The following KLF12 variants were observed in gnomAD, a reference collection of about 807,000 sequenced individuals.
The protein encoded by KLF12 is KLF transcription factor 12.
In KLF12, 9 loss-of-function variants were observed where a neutral mutation model predicts 37.8. That is an observed-to-expected ratio of 0.24 (90% confidence interval 0.14 to 0.42). KLF12 has a LOEUF of 0.42. Ranked by LOEUF, KLF12 falls within the 10% of genes least tolerant of loss-of-function variation. KLF12 has a pLI of 1.00. For synonymous variants in KLF12, 208 were observed against 202.1 expected (o/e 1.03, Z -0.25); for missense variants, 411 against 516.0 (o/e 0.80, Z 1.97).
chr13:74,220,898 A>C, the KLF12 span, among the ~76,000 whole-genome samples: 13 of 152,184 alleles, frequency 8.5e-5, no homozygotes, highest in Non-Finnish European at 1.6e-4. Flanking sequence ...TAATGTCTTC[A>C]TCAGATGATT....
chr13:74,284,152 C>T, the KLF12 span, among the ~76,000 whole-genome samples: 1 of 152,084 alleles, frequency 6.6e-6, no homozygotes, highest in Admixed American at 6.6e-5. Context: ...CCACCATGCC[C>T]GGCCTAGTGT....
the KLF12 span, among the ~76,000 whole-genome samples, chr13:74,173,155 G>A: frequency 6.6e-6 from 1 of 152,138 alleles, no homozygotes; most frequent in Admixed American, 6.5e-5. Context: ...CTCCAATTCT[G>A]AGAAGGAGAC....
chr13:73,755,650 G>A (rs1448363457), intron 6 of KLF12, among the ~76,000 whole-genome samples: 1 of 151,626 alleles, frequency 6.6e-6, no homozygotes, highest in African/African-American at 2.4e-5. Context: ...GGTTTTTGGA[G>A]AACAGGTAGT....
chr13:74,192,070 T>G, the KLF12 span, among the ~76,000 whole-genome samples: 1 of 152,066 alleles, frequency 6.6e-6, no homozygotes. Context: ...CTAGGCCTTG[T>G]AAACAAAAGG....
rs144862900 is a variant in KLF12 at position 74,064,352 on chromosome 13, C to T, written c.-31-69299G>A. Among the ~76,000 whole-genome samples the T allele has an allele frequency of 2.4e-3, 362 of 152,298 alleles. 2 individuals carry two copies. The highest frequency in any genetic ancestry group is 3.6e-3 in the Non-Finnish European group (242 of 68,034). ...AGTACCTTGCATGTAGCAGGTATTA[C>T]ATATGATTTTCTACAGGCATGAACA... On this transcript the variant is annotated intron_variant, in intron 1 of 7. Coordinates refer to ENST00000377669, the MANE Select transcript of KLF12 (RefSeq NM_007249.5).
intron 1 of KLF12, among the ~76,000 whole-genome samples, chr13:74,024,453 TC>T (rs1892920477): frequency 6.6e-6 from 1 of 152,224 alleles, no homozygotes; most frequent in African/African-American, 2.4e-5. Flanking sequence ...TCTGTCATGC[TC>T]AAGAACTTAT....
intron 1 of KLF12, among the ~76,000 whole-genome samples, chr13:74,025,583 T>C (rs1350590994): frequency 2.0e-5 from 3 of 150,410 alleles, no homozygotes; most frequent in Admixed American, 6.6e-5. Context: ...AAAAAGAAAA[T>C]CAGTGAGTAG....
At chr13:74,270,280 G>A in the KLF12 span, among the ~76,000 whole-genome samples, 1 of 152,140 alleles carries the variant, frequency 6.6e-6, no homozygotes, top group Non-Finnish European at 1.5e-5. Context: ...GATTGGGCTG[G>A]CCATGTCAAA....
At chr13:74,149,458 T>C in the KLF12 span, among the ~76,000 whole-genome samples, 1 of 152,212 alleles carries the variant, frequency 6.6e-6, no homozygotes, top group South Asian at 2.1e-4. Context: ...CATTCTCTCA[T>C]AGCTCACGTA....
intron 7 of KLF12, among the ~76,000 whole-genome samples, chr13:73,712,030 C>G (rs1437825236): frequency 6.6e-6 from 1 of 152,148 alleles, no homozygotes; most frequent in Admixed American, 6.5e-5. Context: ...GTGGTGGAAA[C>G]AGCAGGAGAA....
intron 1 of KLF12, among the ~76,000 whole-genome samples, chr13:74,020,968 A>G (rs896820805): frequency 6.6e-6 from 1 of 151,972 alleles, no homozygotes; most frequent in South Asian, 2.1e-4. Flanking sequence ...AAAAGGACTG[A>G]CAAGTCTCAT....
chr13:74,036,960 C>T (rs1326646785), intron 1 of KLF12, among the ~76,000 whole-genome samples: 5 of 152,096 alleles, frequency 3.3e-5, no homozygotes, highest in Non-Finnish European at 7.4e-5. Context: ...AATCCCAGCA[C>T]TTTGGGAGGC....
intron 1 of KLF12, among the ~76,000 whole-genome samples, chr13:74,001,689 T>C (rs1165468420): frequency 6.6e-6 from 1 of 152,240 alleles, no homozygotes; most frequent in African/African-American, 2.4e-5. Context: ...TTCTAGCCCA[T>C]CACAACAATA....
chr13:74,218,729 G>C, the KLF12 span, among the ~76,000 whole-genome samples: 1 of 152,134 alleles, frequency 6.6e-6, no homozygotes, highest in Non-Finnish European at 1.5e-5. Flanking sequence ...AACCAAATGA[G>C]ATAACGAGTC....
chr13:74,290,369 C>A, the KLF12 span, among the ~76,000 whole-genome samples: 2 of 152,142 alleles, frequency 1.3e-5, no homozygotes, highest in African/African-American at 4.8e-5. Flanking sequence ...GAAACACTGC[C>A]ACAGCTGAAT....
intron 3 of KLF12, among the ~76,000 whole-genome samples, chr13:73,924,159 TA>T (rs1170730187): frequency 2.6e-5 from 4 of 152,352 alleles, no homozygotes; most frequent in African/African-American, 9.6e-5. Flanking sequence ...CTCTTTAAAT[TA>T]CAAAGTACAT....
intron 1 of KLF12, among the ~76,000 whole-genome samples, chr13:74,072,995 C>T (rs920028156): frequency 1.3e-5 from 2 of 152,130 alleles, no homozygotes; most frequent in African/African-American, 4.8e-5. Flanking sequence ...GTTCTTCCCA[C>T]GCTGTTCTCA....
the KLF12 span, among the ~76,000 whole-genome samples, chr13:74,249,685 T>A: frequency 4.6e-5 from 7 of 152,346 alleles, no homozygotes; most frequent in South Asian, 2.1e-4. Flanking sequence ...GGTGTTTTTT[T>A]AAAATATGTA....
intron 5 of KLF12, among the ~76,000 whole-genome samples, chr13:73,768,217 G>T (rs1683647310): frequency 6.6e-6 from 1 of 152,140 alleles, no homozygotes; most frequent in African/African-American, 2.4e-5. Context: ...TAATAATGGG[G>T]CCTATTACCT....
Sources: gnomAD v4.1 joint callset for allele counts (sites outside exome capture counted in the v4.1 genomes callset) on GRCh38, gnomAD v4.1.1 for gene constraint, MANE v1.5 for transcripts, NCBI Gene and HGNC (gene_info 2026-07-23, HGNC 2026-07-21) for gene names.